GTF2E2: variants seen among roughly 807,000 people sequenced by gnomAD.
GTF2E2 encodes general transcription factor IIE subunit 2.
A neutral mutation model predicts 40.5 loss-of-function variants in GTF2E2; 21 were observed. The ratio of observed to expected loss-of-function variants is 0.52; its 90% CI spans 0.37 to 0.75. GTF2E2 has a LOEUF of 0.75. Ranked by LOEUF, GTF2E2 falls within the 30% of genes least tolerant of loss-of-function variation. The probability of loss-of-function intolerance (pLI) is 0.00; values close to 1 mark genes in which losing one functional copy is unlikely to be tolerated. For synonymous variants in GTF2E2, 117 were observed against 121.6 expected (o/e 0.96, Z 0.25); for missense variants, 298 against 338.4 (o/e 0.88, Z 0.94).
At position 30,647,792 on chromosome 8, in the gene GTF2E2, G is replaced by C. The variant is rs73578120; in HGVS notation, c.166+5641C>G. ...CACAAACGTTGGATTCTTGGCAATAGATGGTAAGTATACAAGTCCTTTAAT... is the reference window on the plus strand; with the variant it reads ...CACAAACGTTGGATTCTTGGCAATACATGGTAAGTATACAAGTCCTTTAAT... On this transcript the variant is annotated intron_variant, in intron 2 of 7. Coordinates refer to ENST00000355904, the MANE Select transcript of GTF2E2 (RefSeq NM_002095.6). Among the ~76,000 whole-genome samples, 543 of 152,294 alleles carry C rather than the reference G, an allele frequency of 3.6e-3. 4 individuals are homozygous for C. The highest frequency in any genetic ancestry group is 0.012 in the African/African-American group (506 of 41,572).
In GTF2E2 at chr8:30,610,076, A is replaced by G. The variant is rs988072410; in HGVS notation, c.549+2223T>C. Reference sequence around the variant, plus strand: ...TATAGCATTGCAAGAATAGACTAATACATAGCCAAAACAATCTTGAAAAAG... The same window carrying G: ...TATAGCATTGCAAGAATAGACTAATGCATAGCCAAAACAATCTTGAAAAAG... On this transcript the variant is annotated intron_variant, in intron 5 of 7. Transcript: ENST00000355904. Among the ~76,000 whole-genome samples the G allele has an allele frequency of 4.6e-5, 7 of 152,330 alleles. No homozygotes were observed. The East Asian group carries it at 1.3e-3, about 29-fold the overall frequency.
intron 6 of GTF2E2, among the ~76,000 whole-genome samples, chr8:30,597,695 G>C (rs1829052898): frequency 6.6e-6 from 1 of 152,100 alleles, no homozygotes; most frequent in South Asian, 2.1e-4. Flanking sequence ...CAGACTTCTG[G>C]GGTTTGTTGT....
intron 2 of GTF2E2, among the ~76,000 whole-genome samples, chr8:30,637,903 A>C (rs1196803469): frequency 6.6e-6 from 1 of 152,196 alleles, no homozygotes; most frequent in African/African-American, 2.4e-5. Context: ...CATAATTAAA[A>C]ACCTTCATTC....
At chr8:30,621,063 A>G (rs1424793643) in intron 3 of GTF2E2, among the ~76,000 whole-genome samples, 1 of 152,062 alleles carries the variant, frequency 6.6e-6, no homozygotes, top group African/African-American at 2.4e-5. Context: ...AGGAGAGCCA[A>G]TACAACCCTT....
chr8:30,650,478 C>T (rs935560091), intron 2 of GTF2E2, among the ~76,000 whole-genome samples: 1 of 134,062 alleles, frequency 7.5e-6, no homozygotes, highest in East Asian at 2.2e-4. Flanking sequence ...TCCCTTGAAG[C>T]GGGGAGTTTG....
At chr8:30,640,705 T>C (rs1266063191) in intron 2 of GTF2E2, among the ~76,000 whole-genome samples, 1 of 152,160 alleles carries the variant, frequency 6.6e-6, no homozygotes, top group East Asian at 1.9e-4. Context: ...TAATGATGTA[T>C]TTCTATTTTT....
At chr8:30,579,494 T>G (rs1268162979) in intron 7 of GTF2E2, among the ~76,000 whole-genome samples, 1 of 152,168 alleles carries the variant, frequency 6.6e-6, no homozygotes, top group Non-Finnish European at 1.5e-5. Context: ...TGAAAAAAAT[T>G]AACAAATGAG....
At chr8:30,613,025 A>G (rs1829524563) in intron 4 of GTF2E2, among the ~76,000 whole-genome samples, 1 of 152,254 alleles carries the variant, frequency 6.6e-6, no homozygotes, top group African/African-American at 2.4e-5. Flanking sequence ...TGTTTTATTT[A>G]CATAAATTCT....
intron 3 of GTF2E2, among the ~76,000 whole-genome samples, chr8:30,627,507 G>A (rs1017773495): frequency 1.4e-5 from 2 of 144,704 alleles, no homozygotes; most frequent in Non-Finnish European, 3.0e-5. Flanking sequence ...GGTACTAGCA[G>A]CAAAAATCCT....
chr8:30,583,508 T>A (rs1828572773), intron 6 of GTF2E2, among the ~76,000 whole-genome samples: 1 of 151,988 alleles, frequency 6.6e-6, no homozygotes, highest in South Asian at 2.1e-4. Flanking sequence ...GCCTCCCAAG[T>A]GGCTGGGACT....
chr8:30,611,126 TAGA>T (rs999041662), intron 5 of GTF2E2, among the ~76,000 whole-genome samples: 3 of 152,108 alleles, frequency 2.0e-5, no homozygotes, highest in African/African-American at 7.2e-5. Flanking sequence ...GGGCTAAGGC[TAGA>T]AGAACAGAAG....
At chr8:30,611,441 A>G (rs1829472556) in intron 5 of GTF2E2, among the ~76,000 whole-genome samples, 1 of 152,224 alleles carries the variant, frequency 6.6e-6, no homozygotes, top group Non-Finnish European at 1.5e-5. Flanking sequence ...AGGGTGTAAC[A>G]AAAGATACTT....
intron 2 of GTF2E2, among the ~76,000 whole-genome samples, chr8:30,647,338 T>C (rs894793508): frequency 3.3e-5 from 5 of 152,194 alleles, no homozygotes; most frequent in African/African-American, 9.7e-5. Context: ...CCTAGCAGTT[T>C]GCAAGGCCGA....
intron 6 of GTF2E2, among the ~76,000 whole-genome samples, chr8:30,593,631 A>G (rs1235934787): frequency 6.6e-6 from 1 of 152,042 alleles, no homozygotes. Context: ...TAGCACTACG[A>G]GACTACAGGT....
chr8:30,599,330 A>T, intron 6 of GTF2E2, among the ~76,000 whole-genome samples: 1 of 152,208 alleles, frequency 6.6e-6, no homozygotes, highest in Non-Finnish European at 1.5e-5. Flanking sequence ...TTATCCCAGC[A>T]CTTTGGGCGG....
At chr8:30,637,378 G>C in intron 2 of GTF2E2, 1 of 439,566 alleles carries the variant, frequency 2.3e-6, no homozygotes, top group Non-Finnish European at 4.5e-6. Context: ...TTATGTCTCT[G>C]GCATCTACTA....
chr8:30,634,811 G>A lies in GTF2E2; in HGVS notation c.258+221C>T, dbSNP rs76361023. 3.2e-3 allele frequency among the ~76,000 whole-genome samples: 493 copies of A among 152,296 alleles called. 4 individuals carry two copies. Among genetic ancestry groups the A allele is most frequent in the African/African-American group, 0.011 (466 of 41,562 alleles). ...TGGTGAGCTTAAACTGTACCCTTGAGTTAATGCAGATTAAATATGCTTTGG... is the reference window on the plus strand; with the variant it reads ...TGGTGAGCTTAAACTGTACCCTTGAATTAATGCAGATTAAATATGCTTTGG... On this transcript the variant is annotated intron_variant, in intron 3 of 7. Coordinates refer to ENST00000355904, the MANE Select transcript of GTF2E2 (RefSeq NM_002095.6).
At chr8:30,603,565 G>C (rs771769779) in intron 6 of GTF2E2, among the ~76,000 whole-genome samples, 8 of 152,062 alleles carry the variant, frequency 5.3e-5, no homozygotes, top group Non-Finnish European at 1.0e-4. Context: ...TAATGATTTT[G>C]AACACAATTC....
At chr8:30,583,476 C>T (rs1828571390) in intron 6 of GTF2E2, among the ~76,000 whole-genome samples, 2 of 152,092 alleles carry the variant, frequency 1.3e-5, no homozygotes, top group African/African-American at 2.4e-5. Context: ...ACTTCCTGGG[C>T]TCAATCAATC....
Sources: gnomAD v4.1 joint callset for allele counts (sites outside exome capture counted in the v4.1 genomes callset) on GRCh38, gnomAD v4.1.1 for gene constraint, MANE v1.5 for transcripts, NCBI Gene and HGNC (gene_info 2026-07-23, HGNC 2026-07-21) for gene names.